Variants in PRELID2 observed in about 807,000 individuals in gnomAD.
PRELID2 encodes the protein PRELI domain containing 2, also known as PRELI domain-containing protein 2.
PRELID2 carries 25 observed loss-of-function variants against 28.4 expected under a neutral mutation model. The observed-to-expected ratio is 0.88, with a 90% CI of 0.64 to 1.23. The LOEUF (loss-of-function observed/expected upper bound fraction) is 1.23. PRELID2 is among the 50% of genes most tolerant of loss of function. The pLI, the probability that PRELID2 is intolerant of heterozygous loss-of-function variation, is 0.00. For missense variants in PRELID2, 201 were observed against 214.4 expected, an observed-to-expected ratio of 0.94 and a Z score of 0.39; for synonymous variants, 76 against 71.6, an observed-to-expected ratio of 1.06 and a Z score of -0.31.
chr5:145,338,838 T>C, the PRELID2 span, among the ~76,000 whole-genome samples: 1 of 152,262 alleles, frequency 6.6e-6, no homozygotes, highest in Non-Finnish European at 1.5e-5. Flanking sequence ...AATGCCTATG[T>C]ACTATTCACT....
intron 1 of PRELID2, among the ~76,000 whole-genome samples, chr5:145,487,617 T>A (rs558341302): frequency 6.6e-6 from 1 of 152,168 alleles, no homozygotes; most frequent in South Asian, 2.1e-4. Flanking sequence ...TTCAGGACAG[T>A]CCATCTTCTA....
intron 1 of PRELID2, among the ~76,000 whole-genome samples, chr5:145,528,881 G>T (rs1369346135): frequency 1.3e-5 from 2 of 152,076 alleles, no homozygotes; most frequent in African/African-American, 2.4e-5. Context: ...TCTCAAGGAA[G>T]CAAATGATGT....
At chr5:145,824,099 C>G (rs1375307862) in intron 1 of PRELID2, among the ~76,000 whole-genome samples, 1 of 152,128 alleles carries the variant, frequency 6.6e-6, no homozygotes, top group Non-Finnish European at 1.5e-5. Context: ...CTTTCCACTA[C>G]TCAGATGTGA....
chr5:145,831,750 C>A (rs1046746166), intron 1 of PRELID2, among the ~76,000 whole-genome samples: 1 of 152,200 alleles, frequency 6.6e-6, no homozygotes, highest in Non-Finnish European at 1.5e-5. Context: ...GTTCTGCCTT[C>A]CATTTCCCAG....
intron 4 of PRELID2, among the ~76,000 whole-genome samples, chr5:145,797,162 A>ATTACACTTAAGAGTGATAGAAGT (rs1399530824): frequency 6.6e-6 from 1 of 152,174 alleles, no homozygotes; most frequent in East Asian, 1.9e-4. Context: ...AGAGATCTAG[A>ATTACACTTAAGAGTGATAGAAGT]TTACACTTAA....
At chr5:145,668,323 A>G (rs926217654) in intron 1 of PRELID2, among the ~76,000 whole-genome samples, 3 of 151,858 alleles carry the variant, frequency 2.0e-5, no homozygotes, top group Non-Finnish European at 2.9e-5. Context: ...CATCTGCATA[A>G]CCAATCTAAT....
rs1459681428 is a variant in PRELID2 at position 145,627,127 on chromosome 5, AAAAAAAAAAAAAAAAAAAAT to A, written n.70+137784_70+137803del. ...AAAAAAAAAAAAAAAAAAAAAAAAA[AAAAAAAAAAAAAAAAAAAAT>A]TTGTGTATATATACCGTGGAATACA... On this transcript the variant is annotated intron_variant and non_coding_transcript_variant, in intron 1 of 2. Coordinates refer to the PRELID2 transcript ENST00000510259. Among the ~76,000 whole-genome samples, 241 of 107,858 alleles carry A rather than the reference AAAAAAAAAAAAAAAAAAAAT, an allele frequency of 2.2e-3. 5 individuals are homozygous for A. The highest frequency in any genetic ancestry group is 9.3e-3 in the African/African-American group (231 of 24,868). 70.8% of individuals were successfully genotyped at this position (107,858 alleles called of 152,430 possible). A position where few individuals can be genotyped will look rare whatever the true frequency, so the allele number is the denominator to read the frequency against.
intron 1 of PRELID2, among the ~76,000 whole-genome samples, chr5:145,607,626 G>T (rs936746215): frequency 2.0e-5 from 3 of 152,062 alleles, no homozygotes; most frequent in Non-Finnish European, 2.9e-5. Context: ...ACATTTTGGG[G>T]TTTTTTGATT....
the PRELID2 span, among the ~76,000 whole-genome samples, chr5:145,355,950 C>G: frequency 6.6e-6 from 1 of 152,044 alleles, no homozygotes; most frequent in Non-Finnish European, 1.5e-5. Flanking sequence ...CATGTCTACT[C>G]CACTCATGAA....
the PRELID2 span, chr5:145,229,642 C>CA: frequency 1.1e-6 from 1 of 915,522 alleles, no homozygotes; most frequent in Non-Finnish European, 1.8e-6. Flanking sequence ...CTTCACCAGA[C>CA]AAAGGCCCAA....
At chr5:145,600,283 A>T (rs1393193502) in intron 1 of PRELID2, among the ~76,000 whole-genome samples, 4 of 151,938 alleles carry the variant, frequency 2.6e-5, no homozygotes, top group African/African-American at 9.7e-5. Context: ...TCTGCATGAT[A>T]AAACAGCTAG....
the PRELID2 span, among the ~76,000 whole-genome samples, chr5:145,382,435 T>A: frequency 3.4e-4 from 52 of 152,068 alleles, no homozygotes; most frequent in African/African-American, 1.2e-3. Context: ...CATTTTATAG[T>A]AAAATTTCTG....
chr5:145,822,038 T>C (rs1455500331), intron 2 of PRELID2, among the ~76,000 whole-genome samples: 1 of 152,030 alleles, frequency 6.6e-6, no homozygotes, highest in Non-Finnish European at 1.5e-5. Flanking sequence ...TTACAGAAAA[T>C]GCATATACAA....
the PRELID2 span, among the ~76,000 whole-genome samples, chr5:145,239,558 T>G: frequency 4.7e-4 from 71 of 152,112 alleles, no homozygotes; most frequent in Middle Eastern, 3.4e-3. Context: ...ATAAATATAA[T>G]GCAATTACAA....
intron 1 of PRELID2, among the ~76,000 whole-genome samples, chr5:145,624,084 A>G (rs1251616400): frequency 6.6e-6 from 1 of 152,186 alleles, no homozygotes; most frequent in South Asian, 2.1e-4. Context: ...CCACTTTATT[A>G]TAAAGGATAT....
intron 1 of PRELID2, among the ~76,000 whole-genome samples, chr5:145,652,139 G>A (rs940452287): frequency 1.3e-5 from 2 of 152,160 alleles, no homozygotes; most frequent in Non-Finnish European, 2.9e-5. Flanking sequence ...CAATCAACTG[G>A]AAGAAAGGGT....
At chr5:145,522,103 ATGT>A (rs1433016305) in intron 1 of PRELID2, among the ~76,000 whole-genome samples, 1 of 152,202 alleles carries the variant, frequency 6.6e-6, no homozygotes, top group African/African-American at 2.4e-5. Flanking sequence ...AACTATTAAA[ATGT>A]TGTCATATTT....
chr5:145,615,322 T>TGGTTGGTGAATTCTTATCCA (rs1179006771), intron 1 of PRELID2, among the ~76,000 whole-genome samples: 128 of 102,656 alleles, frequency 1.2e-3, no homozygotes, highest in Admixed American at 5.2e-3. Context: ...GAGTCTCTTT[T>TGGTTGGTGAATTCTTATCCA]TTTTGTTTTT....
intron 1 of PRELID2, among the ~76,000 whole-genome samples, chr5:145,559,087 T>C (rs1254175930): frequency 1.3e-5 from 2 of 152,000 alleles, no homozygotes; most frequent in Admixed American, 6.6e-5. Context: ...ACCCCGTCTC[T>C]ACTAAAAATA....
Sources: allele counts gnomAD v4.1 joint callset (sites outside exome capture counted in the v4.1 genomes callset), GRCh38; gene constraint gnomAD v4.1.1; transcripts MANE v1.5; gene names NCBI Gene and HGNC (gene_info 2026-07-23, HGNC 2026-07-21).